The following CTNNA2 variants were observed in gnomAD, a reference collection of about 807,000 sequenced individuals.
CTNNA2 encodes catenin alpha 2.
A neutral mutation model predicts 101.0 loss-of-function variants in CTNNA2; 42 were observed. The ratio of observed to expected loss-of-function variants is 0.42; its 90% CI spans 0.32 to 0.54. The LOEUF is 0.54. Ranked by LOEUF, CTNNA2 falls within the 20% of genes least tolerant of loss-of-function variation. The probability of loss-of-function intolerance (pLI) is 0.14; values close to 1 mark genes in which losing one functional copy is unlikely to be tolerated. For synonymous variants in CTNNA2, 450 were observed against 456.4 expected (o/e 0.99, Z 0.18); for missense variants, 871 against 1,223.1 (o/e 0.71, Z 4.29).
chr2:79,346,933 G>A (rs1026893005), intron 3 of CTNNA2, among the ~76,000 whole-genome samples: 1 of 152,014 alleles, frequency 6.6e-6, no homozygotes, highest in Non-Finnish European at 1.5e-5. Context: ...AGGCACTGGG[G>A]GACTCCAAAA....
chr2:80,289,175 G>A (rs1265600650), intron 7 of CTNNA2: 1 of 151,870 alleles, frequency 6.6e-6, no homozygotes, highest in Non-Finnish European at 1.5e-5. Context: ...GGAGGACTGG[G>A]GACTGAATCT....
At chr2:79,666,371 T>G (rs1400025910) in intron 2 of CTNNA2, among the ~76,000 whole-genome samples, 1 of 152,260 alleles carries the variant, frequency 6.6e-6, no homozygotes, top group Non-Finnish European at 1.5e-5. Context: ...TTTTGTGAAC[T>G]TCTTTGCATT....
chr2:79,434,416 G>A (rs992611266), intron 4 of CTNNA2, among the ~76,000 whole-genome samples: 3 of 152,072 alleles, frequency 2.0e-5, no homozygotes, highest in Admixed American at 6.5e-5. Context: ...GTAAATGTTC[G>A]GAGGATGAAA....
At chr2:79,383,595 C>T (rs1165231033) in intron 4 of CTNNA2, among the ~76,000 whole-genome samples, 3 of 152,058 alleles carry the variant, frequency 2.0e-5, no homozygotes, top group Non-Finnish European at 4.4e-5. Context: ...TGGCATAGTG[C>T]GTATGCAGGC....
At chr2:79,295,991 T>TGTGGGGAAATTG (rs1172406858) in intron 2 of CTNNA2, among the ~76,000 whole-genome samples, 1 of 152,104 alleles carries the variant, frequency 6.6e-6, no homozygotes, top group African/African-American at 2.4e-5. Context: ...TCAACAAAAT[T>TGTGGGGAAATTG]TCCAAAGGCA....
At chr2:79,998,053 A>G (rs1692680456) in intron 7 of CTNNA2, among the ~76,000 whole-genome samples, 1 of 152,198 alleles carries the variant, frequency 6.6e-6, no homozygotes, top group African/African-American at 2.4e-5. Flanking sequence ...TAGTGGCAGA[A>G]AAGGGATTCT....
At chr2:79,402,853 A>G (rs1276070213) in intron 4 of CTNNA2, among the ~76,000 whole-genome samples, 1 of 151,900 alleles carries the variant, frequency 6.6e-6, no homozygotes, top group Non-Finnish European at 1.5e-5. Flanking sequence ...GAAATTACAC[A>G]GCACAGTGTT....
At chr2:79,983,918 C>T (rs973341550) in intron 7 of CTNNA2, among the ~76,000 whole-genome samples, 2 of 152,024 alleles carry the variant, frequency 1.3e-5, no homozygotes, top group African/African-American at 2.4e-5. Flanking sequence ...ATCCAAATTG[C>T]ACTGAAAACT....
At chr2:80,327,328 G>C (rs1420369022) in intron 7 of CTNNA2, among the ~76,000 whole-genome samples, 3 of 152,210 alleles carry the variant, frequency 2.0e-5, no homozygotes, top group African/African-American at 7.2e-5. Flanking sequence ...CAGGGACATG[G>C]GACGGACACA....
intron 3 of CTNNA2, among the ~76,000 whole-genome samples, chr2:79,340,646 A>C (rs555082042): frequency 1.6e-4 from 25 of 152,202 alleles, no homozygotes; most frequent in East Asian, 1.2e-3. Context: ...GTCCTGGCTA[A>C]CACGGTGAAA....
chr2:80,149,791 C>G (rs1192981176), intron 7 of CTNNA2, among the ~76,000 whole-genome samples: 3 of 143,948 alleles, frequency 2.1e-5, no homozygotes, highest in Non-Finnish European at 4.4e-5. Flanking sequence ...CACACACACA[C>G]ACACACACAC....
chr2:79,610,638 T>C, intron 1 of CTNNA2, among the ~76,000 whole-genome samples: 1 of 152,116 alleles, frequency 6.6e-6, no homozygotes, highest in Non-Finnish European at 1.5e-5. Flanking sequence ...ATTCCATTCA[T>C]ATAAAACTCT....
chr2:80,303,004 C>T lies in CTNNA2; in HGVS notation c.1057-90207C>T. On this transcript the variant is annotated intron_variant, in intron 7 of 18. Transcript: ENST00000402739. The surrounding 1 kb of genome is among the most constrained non-coding windows in gnomAD (Gnocchi z 7.7). Reference sequence around the variant, plus strand: ...GCGGCACGGTCTCGAACACATGGGGCTCCATGTACTCGATCTCGTTGCCCG... The same window carrying T: ...GCGGCACGGTCTCGAACACATGGGGTTCCATGTACTCGATCTCGTTGCCCG... 3 of 1,613,742 alleles carry T rather than the reference C, an allele frequency of 1.9e-6. No individual in the cohort carries two copies. Among genetic ancestry groups the T allele is most frequent in the East Asian group, 2.2e-5 (1 of 44,814 alleles).
intron 4 of CTNNA2, among the ~76,000 whole-genome samples, chr2:79,414,807 C>T (rs1678459380): frequency 6.6e-6 from 1 of 152,006 alleles, no homozygotes. Context: ...AACCACCACA[C>T]AGGGGAGTGA....
intron 7 of CTNNA2, among the ~76,000 whole-genome samples, chr2:79,969,408 G>A (rs768662449): frequency 6.6e-6 from 1 of 152,166 alleles, no homozygotes; most frequent in Admixed American, 6.5e-5. Context: ...AATTCACTAA[G>A]CACTTTGCAT....
At chr2:80,628,871 G>C (rs1239483467) in intron 18 of CTNNA2, among the ~76,000 whole-genome samples, 1 of 152,058 alleles carries the variant, frequency 6.6e-6, no homozygotes, top group African/African-American at 2.4e-5. Flanking sequence ...AGTTAGGCTT[G>C]GGGTGCAGTT....
At chr2:80,434,026 A>G (rs1681791912) in intron 9 of CTNNA2, among the ~76,000 whole-genome samples, 1 of 152,232 alleles carries the variant, frequency 6.6e-6, no homozygotes, top group Non-Finnish European at 1.5e-5. Context: ...AATACTGTTA[A>G]TAAATGACTG....
chr2:79,554,002 G>A (rs983402399), intron 1 of CTNNA2, among the ~76,000 whole-genome samples: 1 of 152,134 alleles, frequency 6.6e-6, no homozygotes, highest in Non-Finnish European at 1.5e-5. Context: ...TAGTGAGTTT[G>A]GGTCCCAAGG....
At chr2:80,500,193 G>A (rs189810708) in intron 9 of CTNNA2, among the ~76,000 whole-genome samples, 14 of 152,224 alleles carry the variant, frequency 9.2e-5, no homozygotes, top group Admixed American at 5.2e-4. Context: ...AAAAGAAAGC[G>A]TGCAGAGATC....
Sources: allele counts gnomAD v4.1 joint callset (sites outside exome capture counted in the v4.1 genomes callset), GRCh38; gene constraint gnomAD v4.1.1; non-coding constraint Gnocchi (gnomAD v3.1); transcripts MANE v1.5; gene names NCBI Gene and HGNC (gene_info 2026-07-23, HGNC 2026-07-21).